The following ATP8A1 variants were observed in gnomAD, a reference collection of about 807,000 sequenced individuals.
The protein encoded by ATP8A1 is phospholipid-transporting ATPase IA.
In ATP8A1, 90 loss-of-function variants were observed where a neutral mutation model predicts 177.7. The observed-to-expected ratio is 0.51, with a 90% CI of 0.43 to 0.60. The LOEUF (loss-of-function observed/expected upper bound fraction) is 0.60. Ranked by LOEUF, ATP8A1 falls within the 20% of genes least tolerant of loss-of-function variation. The pLI, the probability that ATP8A1 is intolerant of heterozygous loss-of-function variation, is 0.00. For synonymous variants in ATP8A1, 493 were observed against 485.9 expected, an observed-to-expected ratio of 1.01 and a Z score of -0.19; for missense variants, 1,072 against 1,392.8, an observed-to-expected ratio of 0.77 and a Z score of 3.67.
At chr4:42,428,302 AG>A (rs1194050378) in intron 33 of ATP8A1, among the ~76,000 whole-genome samples, 1 of 152,216 alleles carries the variant, frequency 6.6e-6, no homozygotes, top group Non-Finnish European at 1.5e-5. Context: ...TGGGTCGCAC[AG>A]GCACCTCAAA....
chr4:42,635,782 CATATATATATAT>C lies in ATP8A1; in HGVS notation c.50-8685_50-8674del, dbSNP rs764452182. ...ACACACACACACACACACACACACA[CATATATATATAT>C]ATATATATATATATATACACATGTA... On this transcript the variant is annotated intron_variant, in intron 1 of 36. Coordinates refer to ENST00000381668, the MANE Select transcript of ATP8A1 (RefSeq NM_006095.2). 2.5e-4 allele frequency among the ~76,000 whole-genome samples: 13 copies of C among 51,992 alleles called. 1 individual carries two copies. Among genetic ancestry groups the C allele is most frequent in the South Asian group, 1.7e-3 (2 of 1,176 alleles). 34.1% of individuals were successfully genotyped at this position (51,992 alleles called of 152,430 possible).
At chr4:42,504,458 G>C (rs1005658941) in intron 23 of ATP8A1, among the ~76,000 whole-genome samples, 1 of 152,254 alleles carries the variant, frequency 6.6e-6, no homozygotes, top group African/African-American at 2.4e-5. Flanking sequence ...AAACCTCGAA[G>C]TTACCTGATC....
intron 33 of ATP8A1, among the ~76,000 whole-genome samples, chr4:42,437,948 A>C (rs982179581): frequency 5.9e-5 from 9 of 152,202 alleles, no homozygotes; most frequent in African/African-American, 9.6e-5. Flanking sequence ...GGGCAGAGAC[A>C]AAGGCAGCTA....
At chr4:42,515,583 G>T (rs998600254) in intron 22 of ATP8A1, among the ~76,000 whole-genome samples, 36 of 152,126 alleles carry the variant, frequency 2.4e-4, no homozygotes, top group African/African-American at 8.2e-4. Context: ...TTTTGGGGAG[G>T]GGTAAAGGAA....
chr4:42,589,284 T>G (rs989367412), intron 7 of ATP8A1, among the ~76,000 whole-genome samples: 14 of 152,198 alleles, frequency 9.2e-5, no homozygotes, highest in Admixed American at 2.6e-4. Context: ...ATAGGCTTAA[T>G]TTACTAATAT....
chr4:42,582,480 C>T (rs185957160), intron 9 of ATP8A1, among the ~76,000 whole-genome samples: 148 of 151,558 alleles, frequency 9.8e-4, no homozygotes, highest in African/African-American at 3.4e-3. Context: ...CACACACACA[C>T]ACCACACACA....
At position 42,466,035 on chromosome 4, in the gene ATP8A1, A is replaced by AAAAAG. The variant is rs1719723955; in HGVS notation, c.2325-960_2325-959insCTTTT. On this transcript the variant is annotated intron_variant, in intron 25 of 36. Transcript: ENST00000381668. ...CGACAGAGCAAGACTCCGTCTCAAA[A>AAAAAG]AAAAAAAAAAAAAAAAAAAAAAAGG... Among the ~76,000 whole-genome samples the AAAAAG allele has an allele frequency of 1.1e-4, 4 of 35,140 alleles. 2 individuals are homozygous for AAAAAG. The South Asian group carries it at 3.4e-3, about 30-fold the overall frequency. The allele number at this position is 35,140 out of a possible 152,430, so 23.1% of individuals were successfully genotyped here.
At chr4:42,561,249 C>T (rs1014060647) in intron 15 of ATP8A1, among the ~76,000 whole-genome samples, 18 of 152,244 alleles carry the variant, frequency 1.2e-4, no homozygotes, top group African/African-American at 3.9e-4. Flanking sequence ...GGCCTCGGGC[C>T]GGCCTGAAGA....
chr4:42,496,164 G>C (rs1444920514), intron 24 of ATP8A1, among the ~76,000 whole-genome samples: 1 of 152,218 alleles, frequency 6.6e-6, no homozygotes, highest in East Asian at 1.9e-4. Flanking sequence ...ACAATGCAGA[G>C]AGAGGCAGCA....
At chr4:42,579,592 T>C (rs903159892) in intron 11 of ATP8A1, among the ~76,000 whole-genome samples, 4 of 151,968 alleles carry the variant, frequency 2.6e-5, no homozygotes, top group African/African-American at 9.7e-5. Context: ...TTTATACCAC[T>C]ATAGAGTGCT....
At chr4:42,588,951 T>C (rs534404037) in intron 7 of ATP8A1, among the ~76,000 whole-genome samples, 7 of 152,228 alleles carry the variant, frequency 4.6e-5, no homozygotes, top group Non-Finnish European at 1.0e-4. Context: ...CCTATTAAAG[T>C]TGCTTGAGAG....
At chr4:42,507,806 A>AAAAAAAC (rs1724600549) in intron 22 of ATP8A1, among the ~76,000 whole-genome samples, 1 of 144,932 alleles carries the variant, frequency 6.9e-6, no homozygotes, top group Non-Finnish European at 1.5e-5. Flanking sequence ...AAAAAAAAAA[A>AAAAAAAC]AAACATACAA....
At chr4:42,544,942 A>G (rs1728742925) in intron 19 of ATP8A1, among the ~76,000 whole-genome samples, 1 of 152,050 alleles carries the variant, frequency 6.6e-6, no homozygotes, top group Admixed American at 6.6e-5. Flanking sequence ...CGGGCGGATC[A>G]CAAGGTCAGG....
intron 1 of ATP8A1, among the ~76,000 whole-genome samples, chr4:42,638,621 G>C (rs1739625466): frequency 6.6e-6 from 1 of 152,176 alleles, no homozygotes; most frequent in African/African-American, 2.4e-5. Context: ...TGCTTAACTG[G>C]AAAAGGAACC....
intron 6 of ATP8A1, among the ~76,000 whole-genome samples, chr4:42,597,778 T>A (rs575135373): frequency 6.6e-6 from 1 of 152,288 alleles, no homozygotes; most frequent in African/African-American, 2.4e-5. Context: ...GTTCTCAATA[T>A]AAATAGCCAA....
chr4:42,562,680 T>C (rs998918368), intron 15 of ATP8A1, among the ~76,000 whole-genome samples: 6 of 152,206 alleles, frequency 3.9e-5, no homozygotes, highest in Non-Finnish European at 8.8e-5. Flanking sequence ...TCCCACATGT[T>C]GTAGGAGAGA....
At chr4:42,493,930 G>A (rs376479468) in intron 24 of ATP8A1, among the ~76,000 whole-genome samples, 1 of 152,028 alleles carries the variant, frequency 6.6e-6, no homozygotes, top group African/African-American at 2.4e-5. Flanking sequence ...CGCCAGGTCC[G>A]GTGGCTCCCA....
chr4:42,459,472 T>A, intron 27 of ATP8A1: 2 of 292,616 alleles, frequency 6.8e-6, no homozygotes, highest in South Asian at 3.1e-5. Flanking sequence ...AAATTCCTGG[T>A]ATCTTGATAA....
At chr4:42,506,027 A>G (rs1724328799) in intron 23 of ATP8A1, among the ~76,000 whole-genome samples, 1 of 152,122 alleles carries the variant, frequency 6.6e-6, no homozygotes, top group South Asian at 2.1e-4. Context: ...TGATCTCCCT[A>G]CCACCACTCA....
Sources: allele counts gnomAD v4.1 joint callset (sites outside exome capture counted in the v4.1 genomes callset), GRCh38; gene constraint gnomAD v4.1.1; transcripts MANE v1.5; gene names NCBI Gene and HGNC (gene_info 2026-07-23, HGNC 2026-07-21).